Variants in SRRM1 observed in about 807,000 individuals in gnomAD.
SRRM1 encodes serine and arginine repetitive matrix 1, also known as serine/arginine repetitive matrix protein 1.
SRRM1 carries 19 observed loss-of-function variants against 110.2 expected under a neutral mutation model. The ratio of observed to expected loss-of-function variants is 0.17; its 90% CI spans 0.12 to 0.25. SRRM1 has a LOEUF of 0.25. Ranked by LOEUF, SRRM1 falls within the 10% of genes least tolerant of loss-of-function variation. The probability of loss-of-function intolerance (pLI) is 1.00; values close to 1 mark genes in which losing one functional copy is unlikely to be tolerated. For synonymous variants in SRRM1, 443 were observed against 414.9 expected (o/e 1.07, Z -0.82); for missense variants, 918 against 1,145.8 (o/e 0.80, Z 2.87).
chr1:24,670,723 C>T (rs1308564195), intron 15 of SRRM1, among the ~76,000 whole-genome samples: 2 of 152,196 alleles, frequency 1.3e-5, no homozygotes, highest in African/African-American at 2.4e-5. Context: ...ATCTTGAACT[C>T]CTAGCCTCCA....
chr1:24,653,484 TAATG>T (rs745445714), intron 8 of SRRM1, among the ~76,000 whole-genome samples: 2 of 152,194 alleles, frequency 1.3e-5, no homozygotes, highest in African/African-American at 2.4e-5. Flanking sequence ...ATTATAGAAG[TAATG>T]AAGCTTATAA....
chr1:24,644,475 A>C (rs574334430), intron 1 of SRRM1, among the ~76,000 whole-genome samples: 1 of 152,190 alleles, frequency 6.6e-6, no homozygotes, highest in Non-Finnish European at 1.5e-5. Flanking sequence ...CAAAGGAAAA[A>C]TTGGAAGGGA....
chr1:24,645,123 T>A (rs1211672474), intron 1 of SRRM1, among the ~76,000 whole-genome samples: 1 of 152,208 alleles, frequency 6.6e-6, no homozygotes, highest in Non-Finnish European at 1.5e-5. Context: ...TTATTTCTGG[T>A]ATGTACACAG....
chr1:24,652,029 A>AAAATATATATAT (rs1387655792), intron 6 of SRRM1, among the ~76,000 whole-genome samples: 2 of 79,866 alleles, frequency 2.5e-5, no homozygotes, highest in African/African-American at 8.4e-5. Flanking sequence ...CTGTACTAAA[A>AAAATATATATAT]ATATATATAT....
At chr1:24,651,323 T>G in intron 5 of SRRM1, 86 bp from the exon 6 acceptor site, 1 of 1,081,962 alleles carries the variant, frequency 9.2e-7, no homozygotes, top group South Asian at 1.4e-5. Context: ...GTAGTGTAAC[T>G]AAAGATTAAT....
intron 8 of SRRM1, chr1:24,654,352 A>AT: frequency 7.8e-7 from 1 of 1,289,770 alleles, no homozygotes; most frequent in Non-Finnish European, 1.0e-6. Context: ...AGGTACACAT[A>AT]ATTGCAACAG....
rs1408859819 is a variant in SRRM1, at chr1:24,643,316, G to A, written c.-11G>A. Reference sequence around the variant, plus strand: ...CTGGGATAGGGAGCGATCTCCGAGCGAGGCGGCAAGATGGACGCGGGATTT... The same window carrying A: ...CTGGGATAGGGAGCGATCTCCGAGCAAGGCGGCAAGATGGACGCGGGATTT... On this transcript the variant is annotated 5_prime_UTR_variant, in exon 1 of 17. Coordinates refer to ENST00000323848, the MANE Select transcript of SRRM1 (RefSeq NM_005839.4). 14 of 1,562,330 alleles carry A rather than the reference G, an allele frequency of 9.0e-6. No homozygotes were observed. The highest frequency in any genetic ancestry group is 2.6e-5 in the East Asian group (1 of 37,738).
At position 24,646,139 on chromosome 1, in the gene SRRM1, T is replaced by G. The variant is rs1248444918; in HGVS notation, c.111+66T>G. ...ACTTACTTGACTCAAGTTCTGGGGT[T>G]GTTTTGGAGATGCATTGTAACTTGA... On this transcript the variant is annotated intron_variant, in intron 2 of 16. Coordinates refer to ENST00000323848, the MANE Select transcript of SRRM1 (RefSeq NM_005839.4). 12 of 1,253,250 alleles carry G rather than the reference T, an allele frequency of 9.6e-6. No individual in the cohort carries two copies. In the Admixed American group the frequency reaches 1.2e-4, roughly 13 times the overall value. 77.6% of individuals were successfully genotyped at this position (1,253,250 alleles called of 1,614,324 possible).
chr1:24,654,968 C>G lies in SRRM1; in HGVS notation c.1154C>G (p.Thr385Ser). The change falls in exon 9 of 17, where the codon ACT (threonine) becomes AGT (serine). Residue 385 changes from threonine (T) to serine (S), a missense_variant. Thr to Ser is a moderately conservative substitution (Grantham distance 58). This residue lies in a region of SRRM1 where 456 missense variants were observed against 453.5 expected (regional missense o/e 1.01). Transcript: ENST00000323848. ...PKRTSSPPRK[T>S]RRLSPSASPP... ...AGGACATCCAGCCCCCCTCGGAAAACTCGTAGGTTATCTCCTTCAGCAAGT... is the reference window on the plus strand; with the variant it reads ...AGGACATCCAGCCCCCCTCGGAAAAGTCGTAGGTTATCTCCTTCAGCAAGT... 3 of 1,614,198 alleles carry G rather than the reference C, an allele frequency of 1.9e-6. No individual in the cohort carries two copies. The highest frequency in any genetic ancestry group is 2.5e-6 in the Non-Finnish European group (3 of 1,180,034).
At chr1:24,670,094 C>T in intron 14 of SRRM1, 26 bp from the exon 15 acceptor site, 1 of 1,532,336 alleles carries the variant, frequency 6.5e-7, no homozygotes. Context: ...GTTCTCAATG[C>T]TGAATGTTTT....
At chr1:24,652,254 T>A (rs1661396831) in intron 6 of SRRM1, among the ~76,000 whole-genome samples, 180 bp from the exon 7 acceptor site, 1 of 150,966 alleles carries the variant, frequency 6.6e-6, no homozygotes, top group East Asian at 1.9e-4. Flanking sequence ...TGGTTGGAAT[T>A]ATTAGTTGCT....
rs1267407388 is a variant in SRRM1, at chr1:24,653,006, T to G, written c.1014T>G (p.His338Gln). The change falls in exon 8 of 17, where the codon CAT becomes CAG. Residue 338 changes from histidine (H) to glutamine (Q), a missense_variant. By Grantham distance (24) the His-to-Gln change is conservative. This residue lies in a region of SRRM1 where 456 missense variants were observed against 453.5 expected (regional missense o/e 1.01). Coordinates refer to ENST00000323848, the MANE Select transcript of SRRM1 (RefSeq NM_005839.4). ...GAAGAATGCCTCCTCCACCAAGGCA[T>G]AGAAGGAGTAGATCTCCAGTAAGAC... is the stretch of plus-strand genomic sequence containing the variant. ...PPRRMPPPPR[H>Q]RRSRSPVRRR... The G allele has an allele frequency of 1.9e-6, 3 of 1,613,802 alleles. 1 individual carries two copies. Among genetic ancestry groups the G allele is most frequent in the South Asian group, 2.2e-5 (2 of 91,036 alleles).
intron 4 of SRRM1, 110 bp from the exon 5 acceptor site, chr1:24,649,861 A>AGAGGCC (rs1313650070): frequency 1.1e-6 from 1 of 952,160 alleles, no homozygotes; most frequent in African/African-American, 1.7e-5. Context: ...GTTCAAAAGA[A>AGAGGCC]GAGGCCGATG....
In SRRM1 at chr1:24,662,515, T is replaced by C. The variant is rs1196709802; in HGVS notation, c.1484-145T>C. 11 of 628,986 alleles carry C rather than the reference T, an allele frequency of 1.7e-5. No homozygotes were observed. The South Asian group carries it at 2.3e-4, about 13-fold the overall frequency. The allele number at this position is 628,986 out of a possible 1,614,324, so 39.0% of individuals were successfully genotyped here. A position where few individuals can be genotyped will look rare whatever the true frequency, so the allele number is the denominator to read the frequency against. ...CTTGGCTTTGAAATCATTGATCATA[T>C]ATTGATAATGATTCTGTTCAGAACT... On this transcript the variant is annotated intron_variant, in intron 11 of 16. Coordinates refer to ENST00000323848, the MANE Select transcript of SRRM1 (RefSeq NM_005839.4).
At chr1:24,649,586 C>T (rs767229960) in intron 4 of SRRM1, among the ~76,000 whole-genome samples, 3 of 152,242 alleles carry the variant, frequency 2.0e-5, no homozygotes, top group African/African-American at 4.8e-5. Context: ...GGATTATAGA[C>T]GTGAGCCACC....
intron 12 of SRRM1, among the ~76,000 whole-genome samples, chr1:24,663,896 T>G (rs1194203052): frequency 1.4e-5 from 2 of 145,994 alleles, no homozygotes; most frequent in Non-Finnish European, 3.0e-5. Context: ...ATAATAATAA[T>G]AATAATAATA....
chr1:24,652,778 G>A (rs140443171), intron 7 of SRRM1, 135 bp from the exon 8 acceptor site: 1 of 1,336,210 alleles, frequency 7.5e-7, no homozygotes, highest in Non-Finnish European at 1.0e-6. Context: ...ACTTTTCTGT[G>A]TACCATAAAA....
chr1:24,667,206 TAG>T (rs1179873997), intron 13 of SRRM1, among the ~76,000 whole-genome samples: 1 of 152,126 alleles, frequency 6.6e-6, no homozygotes, highest in Non-Finnish European at 1.5e-5. Context: ...CACAAATCTA[TAG>T]AGATAGAAAA....
intron 9 of SRRM1, among the ~76,000 whole-genome samples, chr1:24,657,821 G>A (rs907764171): frequency 1.3e-5 from 2 of 152,172 alleles, no homozygotes; most frequent in African/African-American, 4.8e-5. Flanking sequence ...TGGTGGTGAC[G>A]GTGTGGTAAT....
Sources: allele counts gnomAD v4.1 joint callset (sites outside exome capture counted in the v4.1 genomes callset), GRCh38; gene constraint gnomAD v4.1.1; regional missense constraint gnomAD v4.1.1; transcripts MANE v1.5; gene names NCBI Gene and HGNC (gene_info 2026-07-23, HGNC 2026-07-21).